The following PRKCH variants were observed in gnomAD, a reference collection of about 807,000 sequenced individuals.
PRKCH encodes protein kinase C eta type.
A neutral mutation model predicts 82.5 loss-of-function variants in PRKCH; 28 were observed. The observed-to-expected ratio is 0.34, with a 90% CI of 0.25 to 0.47. The LOEUF (loss-of-function observed/expected upper bound fraction) is 0.47. Ranked by LOEUF, PRKCH falls within the 20% of genes least tolerant of loss-of-function variation. The pLI is 1.00. For missense variants in PRKCH, 705 were observed against 881.8 expected (o/e 0.80, Z 2.54); for synonymous variants, 322 against 327.4 (o/e 0.98, Z 0.18).
chr14:61,531,863 A>G (rs1484648958), intron 12 of PRKCH, among the ~76,000 whole-genome samples: 2 of 152,254 alleles, frequency 1.3e-5, no homozygotes, highest in East Asian at 3.8e-4. Flanking sequence ...TATGGCTTTT[A>G]TAATTTTATG....
At chr14:61,293,771 A>C (rs950769853) in intron 1 of PRKCH, among the ~76,000 whole-genome samples, 2 of 152,180 alleles carry the variant, frequency 1.3e-5, no homozygotes, top group African/African-American at 4.8e-5. Flanking sequence ...TTGCAAACTG[A>C]AAAGTTAGTT....
rs894908063 is a variant in PRKCH at position 61,321,907 on chromosome 14, G to A, written c.-195G>A. ...GGCGGGCTCCCCTCCTTTCCACCTCGGGAGGGAGGGAAGGAGGGGAGGGAA... is the reference window on the plus strand; with the variant it reads ...GGCGGGCTCCCCTCCTTTCCACCTCAGGAGGGAGGGAAGGAGGGGAGGGAA... On this transcript the variant is annotated 5_prime_UTR_variant, in exon 1 of 14. Transcript: ENST00000332981. The surrounding 1 kb of genome is among the most constrained non-coding windows in gnomAD (Gnocchi z 4.1). The A allele has an allele frequency of 5.4e-6, 3 of 550,678 alleles. No individual in the cohort carries two copies. The African/African-American group carries it at 5.7e-5, about 11-fold the overall frequency. 34.1% of individuals were successfully genotyped at this position (550,678 alleles called of 1,614,324 possible).
At chr14:61,294,461 G>A (rs957707777) in intron 1 of PRKCH, among the ~76,000 whole-genome samples, 1 of 151,780 alleles carries the variant, frequency 6.6e-6, no homozygotes, top group East Asian at 1.9e-4. Context: ...GTTGATTTAG[G>A]ATCATAATTC....
chr14:61,239,460 T>A (rs1165355779), intron 1 of PRKCH, among the ~76,000 whole-genome samples: 1 of 152,114 alleles, frequency 6.6e-6, no homozygotes, highest in Non-Finnish European at 1.5e-5. Flanking sequence ...ACAGGAAGTG[T>A]CTCAATCTGA....
chr14:61,227,484 C>A (rs958052046), intron 1 of PRKCH, among the ~76,000 whole-genome samples: 2 of 152,108 alleles, frequency 1.3e-5, no homozygotes, highest in Non-Finnish European at 2.9e-5. Context: ...GTCCCAGCGA[C>A]TCGGGAGGCT....
At chr14:61,231,464 G>A (rs531353311) in intron 1 of PRKCH, among the ~76,000 whole-genome samples, 2 of 149,072 alleles carry the variant, frequency 1.3e-5, no homozygotes, top group Admixed American at 6.8e-5. Context: ...CCGGGTTCAC[G>A]CCATTCTCCT....
intron 1 of PRKCH, among the ~76,000 whole-genome samples, chr14:61,376,560 C>T (rs540669361): frequency 3.6e-4 from 55 of 152,160 alleles, no homozygotes; most frequent in Admixed American, 3.5e-3. Context: ...CTACAGCTGC[C>T]TTTGGGCTTT....
intron 1 of PRKCH, among the ~76,000 whole-genome samples, chr14:61,345,740 G>T (rs2045983699): frequency 6.6e-6 from 1 of 152,230 alleles, no homozygotes; most frequent in Admixed American, 6.5e-5. Context: ...GCTCAGAGAG[G>T]TTAAGATACT....
chr14:61,467,552 C>A (rs1354854597), intron 9 of PRKCH, among the ~76,000 whole-genome samples: 10 of 152,200 alleles, frequency 6.6e-5, no homozygotes, highest in African/African-American at 7.2e-5. Context: ...GCTGTGACAC[C>A]CAGCGCAAGG....
At chr14:61,247,735 CAAAA>C in intron 1 of PRKCH, among the ~76,000 whole-genome samples, 1 of 52,720 alleles carries the variant, frequency 1.9e-5, no homozygotes, top group Non-Finnish European at 3.2e-5. Context: ...GACTCCATCT[CAAAA>C]AAAAAAAAAA....
At chr14:61,260,900 T>C (rs956835583) in intron 1 of PRKCH, among the ~76,000 whole-genome samples, 6 of 152,212 alleles carry the variant, frequency 3.9e-5, no homozygotes, top group African/African-American at 1.2e-4. Flanking sequence ...GAAGACAAGA[T>C]GTACTTTAAG....
chr14:61,252,899 C>T (rs965455746), intron 1 of PRKCH, among the ~76,000 whole-genome samples: 2 of 152,144 alleles, frequency 1.3e-5, no homozygotes. Flanking sequence ...CTGACGGTCA[C>T]GCCCCTGGTA....
chr14:61,443,082 T>C (rs777492487), intron 2 of PRKCH, 29 bp from the exon 3 acceptor site: 1 of 1,601,794 alleles, frequency 6.2e-7, no homozygotes, highest in African/African-American at 1.3e-5. Flanking sequence ...TTACATCTTA[T>C]TCTTTTTTTC....
At chr14:61,532,898 G>A (rs895643280) in intron 12 of PRKCH, among the ~76,000 whole-genome samples, 3 of 152,148 alleles carry the variant, frequency 2.0e-5, no homozygotes, top group African/African-American at 7.2e-5. Context: ...CCTTTCTCAT[G>A]CCAGCTGCTC....
rs563895331 is a variant in PRKCH at position 61,345,963 on chromosome 14, T to C, written c.363+23499T>C. Among the ~76,000 whole-genome samples the C allele has an allele frequency of 1.1e-4, 16 of 152,150 alleles. 2 individuals are homozygous for C. The South Asian group carries it at 3.1e-3, about 30-fold the overall frequency. The stretch of plus-strand genomic sequence containing the variant: ...TTACACCTGCCTCAGGTGGTTGATA[T>C]GAAGAAAAGTAAAAATTTTTCAGAT... On this transcript the variant is annotated intron_variant, in intron 1 of 13. Transcript: ENST00000332981.
chr14:61,391,497 C>T (rs887056341), intron 2 of PRKCH, among the ~76,000 whole-genome samples: 2 of 152,354 alleles, frequency 1.3e-5, no homozygotes, highest in South Asian at 2.1e-4. Flanking sequence ...ATCTGGCAAT[C>T]TCACGTTTCA....
chr14:61,265,306 C>T (rs2045088383), intron 1 of PRKCH, among the ~76,000 whole-genome samples: 1 of 151,996 alleles, frequency 6.6e-6, no homozygotes, highest in Admixed American at 6.6e-5. Context: ...CATACTGAAA[C>T]CCTGTCTCTA....
intron 1 of PRKCH, among the ~76,000 whole-genome samples, chr14:61,382,101 C>G (rs1473719751): frequency 1.3e-5 from 2 of 152,162 alleles, no homozygotes; most frequent in Admixed American, 6.5e-5. Flanking sequence ...TAGCAGTTGG[C>G]CAAGCTAAAG....
chr14:61,523,945 A>G (rs2042935724), intron 10 of PRKCH, among the ~76,000 whole-genome samples: 1 of 152,258 alleles, frequency 6.6e-6, no homozygotes, highest in African/African-American at 2.4e-5. Flanking sequence ...TTGGACGTGC[A>G]TTGGCAGGTG....
Sources: allele counts gnomAD v4.1 joint callset (sites outside exome capture counted in the v4.1 genomes callset), GRCh38; gene constraint gnomAD v4.1.1; non-coding constraint Gnocchi (gnomAD v3.1); transcripts MANE v1.5; gene names NCBI Gene and HGNC (gene_info 2026-07-23, HGNC 2026-07-21).